Variants in UGT1A6 observed in about 807,000 individuals in gnomAD.
The protein encoded by UGT1A6 is UDP-glucuronosyltransferase 1A6.
Under a neutral mutation model 44.4 loss-of-function variants are expected in UGT1A6, and 32 were observed. The observed-to-expected ratio is 0.72, with a 90% CI of 0.54 to 0.97. The LOEUF (loss-of-function observed/expected upper bound fraction) is 0.97. UGT1A6 is among the 50% of genes least tolerant of loss of function. UGT1A6 has a pLI of 0.00. For synonymous variants in UGT1A6, 238 were observed against 248.5 expected, an observed-to-expected ratio of 0.96 and a Z score of 0.40; for missense variants, 685 against 661.9, an observed-to-expected ratio of 1.03 and a Z score of -0.38.
Position 233,769,822 on chromosome 2 carries a change from T to G in UGT1A6, c.1301+1383T>G, listed in dbSNP as rs978750106. ...ATGAGCCGTGATCATGCCACTGCAC[T>G]CCAGCAACCTGGGCAACAGAGTGAG... On this transcript the variant is annotated intron_variant, in intron 4 of 4. Coordinates refer to ENST00000305139, the MANE Select transcript of UGT1A6 (RefSeq NM_001072.4). This position sits in a 1 kb window ranked among gnomAD's most constrained non-coding sequence, Gnocchi z 4.4. 2.6e-6 allele frequency: 2 copies of G among 764,448 alleles called. No individual in the cohort carries two copies. Among genetic ancestry groups the G allele is most frequent in the Admixed American group, 3.7e-5 (1 of 26,868 alleles). The allele number at this position is 764,448 out of a possible 1,614,324, so 47.4% of individuals were successfully genotyped here.
At chr2:233,711,090 C>T (rs369326612) in intron 1 of UGT1A6, among the ~76,000 whole-genome samples, 94 of 152,334 alleles carry the variant, frequency 6.2e-4, no homozygotes, top group African/African-American at 2.2e-3. Context: ...CCAAGTCTAT[C>T]TGTGCAGCCC....
chr2:233,740,218 G>C (rs908803369), intron 1 of UGT1A6, among the ~76,000 whole-genome samples: 7 of 151,840 alleles, frequency 4.6e-5, no homozygotes, highest in Non-Finnish European at 8.8e-5. Flanking sequence ...AGTCTCAGCT[G>C]CGTCTTTATA....
intron 1 of UGT1A6, among the ~76,000 whole-genome samples, chr2:233,730,165 G>A (rs142374428): frequency 8.5e-5 from 13 of 152,274 alleles, no homozygotes; most frequent in East Asian, 3.9e-4. Context: ...CTCTAGTAGC[G>A]TATTTCAGGT....
chr2:233,729,585 C>G lies in UGT1A6; in HGVS notation c.861+35720C>G, dbSNP rs138617806. The G allele has an allele frequency of 8.1e-6, 13 of 1,613,966 alleles. No individual in the cohort carries two copies. In the African/African-American group the frequency reaches 1.3e-4, roughly 17 times the overall value. ...CCTTTGATGTGGTTTTAACAGACCC[C>G]GTTAACCTCTGCGCGGCAGTGCTGG... On this transcript the variant is annotated intron_variant, in intron 1 of 4. Coordinates refer to ENST00000305139, the MANE Select transcript of UGT1A6 (RefSeq NM_001072.4).
chr2:233,740,676 A>C (rs1309493094), intron 1 of UGT1A6: 3 of 151,760 alleles, frequency 2.0e-5, no homozygotes, highest in Non-Finnish European at 4.4e-5. Flanking sequence ...AGGTGTTTCC[A>C]TGGAGGGTGT....
chr2:233,716,263 C>A lies in UGT1A6; in HGVS notation c.861+22398C>A, dbSNP rs188566072. Reference sequence around the variant, plus strand: ...TGCCCGGACATCCAGCATAATCTCCCCATGTCAAAACCCTTAATATAATCA... The same window carrying A: ...TGCCCGGACATCCAGCATAATCTCCACATGTCAAAACCCTTAATATAATCA... On this transcript the variant is annotated intron_variant, in intron 1 of 4. Transcript: ENST00000305139. Among the ~76,000 whole-genome samples the A allele has an allele frequency of 7.2e-4, 110 of 152,288 alleles. 1 individual carries two copies. Among genetic ancestry groups the A allele is most frequent in the Non-Finnish European group, 1.2e-3 (81 of 68,028 alleles).
chr2:233,748,602 G>C (rs1484667450), intron 1 of UGT1A6, among the ~76,000 whole-genome samples: 1 of 151,816 alleles, frequency 6.6e-6, no homozygotes, highest in Non-Finnish European at 1.5e-5. Flanking sequence ...AGTGGAAGTA[G>C]AGCAACGAAC....
chr2:233,772,178 T>C, intron 4 of UGT1A6, 84 bp from the exon 5 acceptor site: 1 of 1,584,068 alleles, frequency 6.3e-7, no homozygotes, highest in Non-Finnish European at 8.6e-7. Context: ...AATCTGGTAG[T>C]CTTCTTAAGC....
chr2:233,712,450 C>T (rs1338791134), intron 1 of UGT1A6, among the ~76,000 whole-genome samples: 1 of 152,288 alleles, frequency 6.6e-6, no homozygotes, highest in East Asian at 1.9e-4. Context: ...CGACCAAAAC[C>T]AGATAGCCAG....
chr2:233,738,005 T>G (rs1333736742), intron 1 of UGT1A6, among the ~76,000 whole-genome samples: 1 of 152,062 alleles, frequency 6.6e-6, no homozygotes, highest in Non-Finnish European at 1.5e-5. Flanking sequence ...CCACCAAATC[T>G]CATCTTGAAT....
chr2:233,735,695 G>A (rs1439239319), intron 1 of UGT1A6, among the ~76,000 whole-genome samples: 1 of 151,962 alleles, frequency 6.6e-6, no homozygotes, highest in Non-Finnish European at 1.5e-5. Flanking sequence ...GCTCTTGTAA[G>A]GCAGGCCTGG....
At chr2:233,760,002 C>T (rs1697301368) in intron 1 of UGT1A6, among the ~76,000 whole-genome samples, 1 of 152,194 alleles carries the variant, frequency 6.6e-6, no homozygotes, top group Admixed American at 6.5e-5. Flanking sequence ...TGTGGAAATA[C>T]TAATTTAATG....
Position 233,747,399 on chromosome 2 carries a change from C to A in UGT1A6, c.862-19635C>A, listed in dbSNP as rs554943916. Reference sequence around the variant, plus strand: ...AGGCCACCAGGCGGTGGTCCTCACCCCAGAGGTGAATATGCACATCAAACA... The same window carrying A: ...AGGCCACCAGGCGGTGGTCCTCACCACAGAGGTGAATATGCACATCAAACA... On this transcript the variant is annotated intron_variant, in intron 1 of 4. Transcript: ENST00000305139. 2.5e-6 allele frequency: 4 copies of A among 1,606,666 alleles called. No individual in the cohort carries two copies. The East Asian group carries it at 8.9e-5, about 36-fold the overall frequency.
intron 1 of UGT1A6, chr2:233,743,933 G>A (rs1319527828): frequency 7.4e-7 from 1 of 1,357,164 alleles, no homozygotes; most frequent in Non-Finnish European, 9.8e-7. Flanking sequence ...TGGCCAGAAC[G>A]GCCCACCAGG....
At chr2:233,695,130 C>CTTTCTTTCT (rs1364557158) in intron 1 of UGT1A6, among the ~76,000 whole-genome samples, 43 of 138,840 alleles carry the variant, frequency 3.1e-4, no homozygotes, top group South Asian at 9.1e-4. Flanking sequence ...CTTTTCTTTT[C>CTTTCTTTCT]TTTTTTTTTT....
At chr2:233,747,468 C>A in intron 1 of UGT1A6, 1 of 1,608,682 alleles carries the variant, frequency 6.2e-7, no homozygotes, top group Non-Finnish European at 8.5e-7. Flanking sequence ...TTCATGGACC[C>A]AGGATGAATT....
Position 233,769,406 on chromosome 2 carries a change from T to C in UGT1A6, c.1301+967T>C. Reference sequence around the variant, plus strand: ...AATAGATACTGTGTGCATATGTGCGTGTGCGTTTGTGCATGTGGCTGTGCT... The same window carrying C: ...AATAGATACTGTGTGCATATGTGCGCGTGCGTTTGTGCATGTGGCTGTGCT... On this transcript the variant is annotated intron_variant, in intron 4 of 4. Transcript: ENST00000305139. This position sits in a 1 kb window ranked among gnomAD's most constrained non-coding sequence, Gnocchi z 4.4. 1 of 1,252,262 alleles carries C rather than the reference T, an allele frequency of 8.0e-7. No individual in the cohort carries two copies. Among genetic ancestry groups the C allele is most frequent in the Non-Finnish European group, 1.1e-6 (1 of 876,920 alleles). The allele number at this position is 1,252,262 out of a possible 1,614,324, so 77.6% of individuals were successfully genotyped here.
chr2:233,754,416 A>G, intron 1 of UGT1A6: 1 of 342,596 alleles, frequency 2.9e-6, no homozygotes, highest in South Asian at 2.4e-5. Flanking sequence ...AACAATAAAG[A>G]CAGGCATTGG....
Position 233,693,423 on chromosome 2 carries a change from A to G in UGT1A6, c.419A>G (p.Lys140Arg), listed in dbSNP as rs769066377. Residue 140 changes from lysine to arginine, a missense_variant, in exon 1 of 5, where the codon AAG (lysine) becomes AGG (arginine). Coordinates refer to ENST00000305139, the MANE Select transcript of UGT1A6 (RefSeq NM_001072.4). Reference sequence around the variant, plus strand: ...GACAGGGACACCCTGAACTTCTTTAAGGAGAGCAAGTTTGATGCTCTTTTC... The same window carrying G: ...GACAGGGACACCCTGAACTTCTTTAGGGAGAGCAAGTTTGATGCTCTTTTC... ...LQDRDTLNFF[K>R]ESKFDALFTD... The G allele has an allele frequency of 6.2e-6, 10 of 1,614,114 alleles. No homozygotes were observed. Among genetic ancestry groups the G allele is most frequent in the Non-Finnish European group, 8.5e-6 (10 of 1,180,010 alleles).
Sources: allele counts gnomAD v4.1 joint callset (sites outside exome capture counted in the v4.1 genomes callset), GRCh38; gene constraint gnomAD v4.1.1; non-coding constraint Gnocchi (gnomAD v3.1); transcripts MANE v1.5; gene names NCBI Gene and HGNC (gene_info 2026-07-23, HGNC 2026-07-21).